TFB1M: variants seen among roughly 807,000 people sequenced by gnomAD.
TFB1M encodes dimethyladenosine transferase 1, mitochondrial.
In TFB1M, 27 loss-of-function variants were observed where a neutral mutation model predicts 31.1. That is an observed-to-expected ratio of 0.87 (90% CI 0.64 to 1.20). TFB1M has a LOEUF of 1.20. Ranked by LOEUF, TFB1M falls within the 50% of genes most tolerant of loss-of-function variation. The probability of loss-of-function intolerance (pLI) is 0.00; values close to 1 mark genes in which losing one functional copy is unlikely to be tolerated. For synonymous variants in TFB1M, 166 were observed against 151.8 expected, an observed-to-expected ratio of 1.09 and a Z score of -0.69; for missense variants, 394 against 418.7, an observed-to-expected ratio of 0.94 and a Z score of 0.51.
the TFB1M span, among the ~76,000 whole-genome samples, chr6:155,248,622 A>C: frequency 6.6e-6 from 1 of 151,634 alleles, no homozygotes; most frequent in Admixed American, 6.6e-5. Context: ...ATCTCTGAGC[A>C]GAGCTCGGCT....
intron 5 of TFB1M, among the ~76,000 whole-genome samples, chr6:155,281,103 A>C (rs1785479613): frequency 6.6e-6 from 1 of 152,254 alleles, no homozygotes; most frequent in Non-Finnish European, 1.5e-5. Context: ...ACTACAACTT[A>C]GTCCATAAAT....
rs60162262 is a variant in TFB1M at position 155,269,324 on chromosome 6, C to CTTTTTTTT, written c.667-8932_667-8925dup. 2.4e-3 allele frequency among the ~76,000 whole-genome samples: 311 copies of CTTTTTTTT among 127,120 alleles called. 2 individuals are homozygous for CTTTTTTTT. The highest frequency in any genetic ancestry group is 6.5e-3 in the East Asian group (28 of 4,336). The allele number at this position is 127,120 out of a possible 152,430, so 83.4% of individuals were successfully genotyped here. A position where few individuals can be genotyped will look rare whatever the true frequency, so the allele number is the denominator to read the frequency against. Reference sequence around the variant, plus strand: ...GCTTAGTTTTCTTTTCTTTTCTTTTCTTTTTTTTTTTTTTTGAGATGGAGT... The same window carrying CTTTTTTTT: ...GCTTAGTTTTCTTTTCTTTTCTTTTCTTTTTTTTTTTTTTTTTTTTTTTGAGATGGAGT... On this transcript the variant is annotated intron_variant, in intron 5 of 6. Coordinates refer to ENST00000367166, the MANE Select transcript of TFB1M (RefSeq NM_016020.4).
At chr6:155,283,546 C>T (rs145228598) in intron 5 of TFB1M, among the ~76,000 whole-genome samples, 1 of 152,214 alleles carries the variant, frequency 6.6e-6, no homozygotes, top group Non-Finnish European at 1.5e-5. Flanking sequence ...ACATATGTAC[C>T]TTACCACTAA....
chr6:155,254,753 C>CA, downstream of TFB1M: 1 of 691,898 alleles, frequency 1.4e-6, no homozygotes, highest in Non-Finnish European at 2.3e-6. Context: ...AAAATACAGC[C>CA]ACCCCCAACC....
intron 5 of TFB1M, among the ~76,000 whole-genome samples, chr6:155,263,696 T>G (rs1437484296): frequency 6.6e-6 from 1 of 152,150 alleles, no homozygotes; most frequent in East Asian, 1.9e-4. Flanking sequence ...CAACATGATA[T>G]ACAGAGGACA....
intron 5 of TFB1M, chr6:155,264,020 G>A (rs11966646): frequency 0.078 from 11,910 of 152,054 alleles, 576 homozygotes; most frequent in Non-Finnish European, 0.099. Flanking sequence ...TTCAAAGTTC[G>A]AAGTGGGATG....
chr6:155,258,265 C>CGGCTCT (rs1784211025), intron 6 of TFB1M, among the ~76,000 whole-genome samples, 183 bp from the exon 7 acceptor site: 1 of 152,182 alleles, frequency 6.6e-6, no homozygotes, highest in South Asian at 2.1e-4. Context: ...GCCACTGAGG[C>CGGCTCT]AGCTCTAACC....
intron 2 of TFB1M, among the ~76,000 whole-genome samples, chr6:155,300,321 T>G (rs750631615): frequency 6.6e-6 from 1 of 152,226 alleles, no homozygotes; most frequent in Non-Finnish European, 1.5e-5. Flanking sequence ...ATGCCTCTGA[T>G]ACTAATGTAC....
intron 4 of TFB1M, among the ~76,000 whole-genome samples, chr6:155,291,161 G>A (rs71575030): frequency 0.012 from 1,773 of 152,262 alleles, 19 homozygotes; most frequent in Non-Finnish European, 0.02. Context: ...GAAGTGAGGC[G>A]CAGTCTTGTG....
the TFB1M span, among the ~76,000 whole-genome samples, chr6:155,247,617 C>T: frequency 2.0e-5 from 3 of 152,210 alleles, no homozygotes; most frequent in South Asian, 2.1e-4. Context: ...CGTGAGCCAC[C>T]GCACCTGGCC....
At chr6:155,246,976 C>A in the TFB1M span, among the ~76,000 whole-genome samples, 1 of 152,248 alleles carries the variant, frequency 6.6e-6, no homozygotes, top group Non-Finnish European at 1.5e-5. Context: ...GTACCCAAAC[C>A]AAATGCACCT....
chr6:155,236,258 G>A, the TFB1M span, among the ~76,000 whole-genome samples: 1 of 151,840 alleles, frequency 6.6e-6, no homozygotes, highest in Admixed American at 6.6e-5. Context: ...GATCCCACTG[G>A]AGCCAGCACC....
downstream of TFB1M, chr6:155,253,589 C>T (rs1375288181): frequency 3.4e-5 from 6 of 176,324 alleles, no homozygotes; most frequent in Admixed American, 1.8e-4. Context: ...CTTATGTTTT[C>T]GAGAAAATGA....
chr6:155,298,391 A>G, intron 3 of TFB1M, 86 bp downstream of exon 3: 4 of 753,774 alleles, frequency 5.3e-6, no homozygotes, highest in Non-Finnish European at 9.4e-6. Flanking sequence ...CATATAAGAC[A>G]TTTGTAATAA....
intron 2 of TFB1M, among the ~76,000 whole-genome samples, chr6:155,306,226 T>C (rs7772685): frequency 0.14 from 20,745 of 152,024 alleles, 2,064 homozygotes; most frequent in African/African-American, 0.28. Context: ...TGTGGAGCAA[T>C]GGGAGCTCTG....
rs967821817 is a variant in TFB1M at position 155,256,196 on chromosome 6, TAAG to T, written c.*1637_*1639del. 9 of 549,100 alleles carry T rather than the reference TAAG, an allele frequency of 1.6e-5. No homozygotes were observed. Among genetic ancestry groups the T allele is most frequent in the Non-Finnish European group, 2.5e-5 (8 of 314,986 alleles). The allele number at this position is 549,100 out of a possible 1,614,324, so 34.0% of individuals were successfully genotyped here. The stretch of plus-strand genomic sequence containing the variant: ...CTTTTCAACTTACTCCTTGGCAAAA[TAAG>T]AATCTTAGCCCATGTAGTAGTTTCT... On this transcript the variant is annotated 3_prime_UTR_variant, in exon 7 of 7. Coordinates refer to ENST00000367166, the MANE Select transcript of TFB1M (RefSeq NM_016020.4).
chr6:155,251,939 CT>C (rs1400717661), downstream of TFB1M: 4 of 1,599,308 alleles, frequency 2.5e-6, no homozygotes, highest in African/African-American at 1.4e-5. Context: ...CTTTTCCTTT[CT>C]TTAGTTTTTA....
the TFB1M span, chr6:155,243,967 T>G: frequency 2.5e-5 from 39 of 1,575,648 alleles, no homozygotes; most frequent in Admixed American, 5.4e-4. Context: ...ATGGGTATTT[T>G]GGAGACTAAA....
At chr6:155,275,544 C>T (rs1006806817) in intron 5 of TFB1M, 10 of 642,266 alleles carry the variant, frequency 1.6e-5, no homozygotes, top group Non-Finnish European at 2.5e-5. Flanking sequence ...GTTCTTGGCT[C>T]CTACTCTAAA....
Sources: allele counts gnomAD v4.1 joint callset (sites outside exome capture counted in the v4.1 genomes callset), GRCh38; gene constraint gnomAD v4.1.1; transcripts MANE v1.5; gene names NCBI Gene and HGNC (gene_info 2026-07-23, HGNC 2026-07-21).